Variants in TBCD observed in about 807,000 individuals in gnomAD.
TBCD encodes tubulin-specific chaperone D.
Under a neutral mutation model 169.3 loss-of-function variants are expected in TBCD, and 105 were observed. That is an observed-to-expected ratio of 0.62 (90% CI 0.53 to 0.73). The LOEUF is 0.73. Ranked by LOEUF, TBCD falls within the 30% of genes least tolerant of loss-of-function variation. TBCD has a pLI of 0.00. For synonymous variants in TBCD, 700 were observed against 643.9 expected (o/e 1.09, Z -1.32); for missense variants, 1,444 against 1,600.1 (o/e 0.90, Z 1.66).
chr17:82,906,579 T>G (rs2060263703), intron 20 of TBCD, among the ~76,000 whole-genome samples: 1 of 152,256 alleles, frequency 6.6e-6, no homozygotes, highest in Admixed American at 6.5e-5. Context: ...CTGTAAGGCA[T>G]CGACTGTCGT....
intron 12 of TBCD, among the ~76,000 whole-genome samples, chr17:82,810,884 G>C (rs607544): frequency 0.88 from 133,655 of 152,276 alleles, 59,001 homozygotes; most frequent in African/African-American, 0.97. Context: ...CCTTCTGGAG[G>C]AGATTTCTTG....
chr17:82,807,590 A>G lies in TBCD; in HGVS notation c.1088-18A>G. The G allele has an allele frequency of 1.3e-6, 2 of 1,494,890 alleles. No individual in the cohort carries two copies. Among genetic ancestry groups the G allele is most frequent in the Non-Finnish European group, 1.8e-6 (2 of 1,118,382 alleles). The allele number at this position is 1,494,890 out of a possible 1,614,324, so 92.6% of individuals were successfully genotyped here. A position where few individuals can be genotyped will look rare whatever the true frequency, so the allele number is the denominator to read the frequency against. ...CTTTGTGTGGACTCTGTCACGCATC[A>G]CCTTCCTCTTCCTACAGAGCAGCTG... On this transcript the variant is annotated intron_variant, in intron 10 of 38. Transcript: ENST00000355528.
At chr17:82,898,329 C>T (rs570044643) in intron 17 of TBCD, among the ~76,000 whole-genome samples, 1,745 of 118,494 alleles carry the variant, frequency 0.015, 39 homozygotes, top group African/African-American at 0.057. Context: ...GGTGGGAGCA[C>T]ACGGCACGGC....
chr17:82,767,978 C>T (rs957208558), intron 4 of TBCD, among the ~76,000 whole-genome samples: 9 of 151,560 alleles, frequency 5.9e-5, no homozygotes, highest in Admixed American at 5.2e-4. Flanking sequence ...GAACTCCTGA[C>T]CTCAGGTGAT....
At chr17:82,912,024 T>G (rs2060681690) in intron 23 of TBCD, among the ~76,000 whole-genome samples, 1 of 152,028 alleles carries the variant, frequency 6.6e-6, no homozygotes, top group African/African-American at 2.4e-5. Context: ...CTGGGAGGGG[T>G]TGCACCCAGG....
rs927650819 is a variant in TBCD, at chr17:82,884,631, A to G, written c.1533+429A>G. 6.6e-6 allele frequency among the ~76,000 whole-genome samples: 1 copy of G among 151,188 alleles called. No individual in the cohort carries two copies. Among genetic ancestry groups the G allele is most frequent in the South Asian group, 2.1e-4 (1 of 4,798 alleles). On this transcript the variant is annotated intron_variant, in intron 15 of 38. Coordinates refer to ENST00000355528, the MANE Select transcript of TBCD (RefSeq NM_005993.5). This position sits in a 1 kb window ranked among gnomAD's most constrained non-coding sequence, Gnocchi z 4.2. ...TGCGAGCAGTGGTCAGCTCTGCTTC[A>G]CCCGCCACACTCGCCTGGGCCTTGC...
Position 82,781,716 on chromosome 17 carries a change from G to C in TBCD, c.766G>C (p.Ala256Pro). The C allele has an allele frequency of 6.2e-7, 1 of 1,613,614 alleles. No individual in the cohort carries two copies. The highest frequency in any genetic ancestry group is 1.1e-5 in the South Asian group (1 of 91,090). Residue 256 changes from alanine to proline, a missense_variant, in exon 7 of 39, where the codon GCC becomes CCC. Ala to Pro is a conservative substitution (Grantham distance 27). Coordinates refer to ENST00000355528, the MANE Select transcript of TBCD (RefSeq NM_005993.5). ...GVITMDGTLQ[A>P]LAQIFKHGKR... ...CATCACCATGGATGGGACGCTGCAG[G>C]CCCTGGTAAGTGCTGCCCGCAGGGG...
intron 13 of TBCD, among the ~76,000 whole-genome samples, chr17:82,825,937 G>T (rs1406658833): frequency 6.6e-6 from 1 of 152,214 alleles, no homozygotes; most frequent in African/African-American, 2.4e-5. Context: ...CTGCACTCCG[G>T]CCTGGGCCAG....
chr17:82,778,708 CTGGAGTGCAA>C (rs2048752954), intron 6 of TBCD, among the ~76,000 whole-genome samples: 1 of 139,730 alleles, frequency 7.2e-6, no homozygotes, highest in African/African-American at 2.7e-5. Flanking sequence ...TTTGGCTCTA[CTGGAGTGCAA>C]TGGCGTGATC....
chr17:82,924,679 T>C (rs1042126902), intron 26 of TBCD, among the ~76,000 whole-genome samples: 2 of 152,074 alleles, frequency 1.3e-5, no homozygotes, highest in Non-Finnish European at 2.9e-5. Flanking sequence ...AGGCTGAGTG[T>C]GGGGTTGAGG....
Position 82,833,990 on chromosome 17 carries a change from T to G in TBCD, c.1318+19056T>G, listed in dbSNP as rs542173343. On this transcript the variant is annotated intron_variant, in intron 13 of 38. Transcript: ENST00000355528. This position sits in a 1 kb window ranked among gnomAD's most constrained non-coding sequence, Gnocchi z 4.7. ...ACAGAGTTTCTCCCTTGTTGCCCAGTCTGGAGTGCCATGGCGCAATCTCAG... is the reference window on the plus strand; with the variant it reads ...ACAGAGTTTCTCCCTTGTTGCCCAGGCTGGAGTGCCATGGCGCAATCTCAG... Among the ~76,000 whole-genome samples, 4 of 152,000 alleles carry G rather than the reference T, an allele frequency of 2.6e-5. No individual in the cohort carries two copies. The highest frequency in any genetic ancestry group is 9.6e-5 in the African/African-American group (4 of 41,486).
intron 13 of TBCD, chr17:82,830,826 G>C (rs1466832267): frequency 1.2e-6 from 2 of 1,613,340 alleles, no homozygotes; most frequent in African/African-American, 2.7e-5. Flanking sequence ...CCTCCGAGAC[G>C]AGAGAGGCGC....
Position 82,889,807 on chromosome 17 carries a change from G to A in TBCD, c.1563+110G>A. On this transcript the variant is annotated intron_variant, in intron 16 of 38. Transcript: ENST00000355528. This position sits in a 1 kb window ranked among gnomAD's most constrained non-coding sequence, Gnocchi z 5.3. ...TTCTCGCACTGTGAGATGTGGTGTG[G>A]CTACATCAATGCCAGGGTCATGAGT... 1 of 1,283,450 alleles carries A rather than the reference G, an allele frequency of 7.8e-7. No individual in the cohort carries two copies. Among genetic ancestry groups the A allele is most frequent in the Non-Finnish European group, 1.1e-6 (1 of 913,256 alleles). The allele number at this position is 1,283,450 out of a possible 1,614,324, so 79.5% of individuals were successfully genotyped here.
chr17:82,838,539 A>G (rs902612065), intron 13 of TBCD: 5 of 583,960 alleles, frequency 8.6e-6, no homozygotes, highest in African/African-American at 2.0e-5. Flanking sequence ...TGCTGTAATT[A>G]CAATATTGTG....
At position 82,945,036 on chromosome 17, in the gene TBCD, C is replaced by T. The variant is rs1438121927; in HGVS notation, c.*2573C>T. On this transcript the variant is annotated 3_prime_UTR_variant, in exon 39 of 39. Transcript: ENST00000355528. ...GGCCCTGACCAGTGGTATTCCCAGA[C>T]AAGGGCAGAAGATGCAAATACAAAA... The T allele has an allele frequency of 3.3e-5, 5 of 152,114 alleles. No homozygotes were observed. Among genetic ancestry groups the T allele is most frequent in the African/African-American group, 4.8e-5 (2 of 41,390 alleles). 9.4% of individuals were successfully genotyped at this position (152,114 alleles called of 1,614,324 possible).
intron 13 of TBCD, among the ~76,000 whole-genome samples, chr17:82,825,124 C>T (rs1054687812): frequency 3.9e-5 from 6 of 152,128 alleles, no homozygotes; most frequent in Non-Finnish European, 7.4e-5. Flanking sequence ...TGTGCCACAA[C>T]CATTGTGCTT....
intron 13 of TBCD, among the ~76,000 whole-genome samples, chr17:82,840,864 T>C (rs1402691947): frequency 6.7e-6 from 1 of 149,754 alleles, no homozygotes; most frequent in African/African-American, 2.5e-5. Context: ...TGGGATGAGC[T>C]GGTGTCAGGC....
intron 8 of TBCD, among the ~76,000 whole-genome samples, chr17:82,799,891 G>A (rs1267588529): frequency 6.6e-6 from 1 of 152,222 alleles, no homozygotes; most frequent in Non-Finnish European, 1.5e-5. Flanking sequence ...TTATAGGCAA[G>A]CATTATGAGT....
intron 13 of TBCD, among the ~76,000 whole-genome samples, chr17:82,862,986 G>A (rs1046165168): frequency 1.3e-5 from 2 of 152,224 alleles, no homozygotes; most frequent in Non-Finnish European, 2.9e-5. Flanking sequence ...TGTGGCTGGG[G>A]AGAGGATTAC....
Sources: allele counts gnomAD v4.1 joint callset (sites outside exome capture counted in the v4.1 genomes callset), GRCh38; gene constraint gnomAD v4.1.1; non-coding constraint Gnocchi (gnomAD v3.1); transcripts MANE v1.5; gene names NCBI Gene and HGNC (gene_info 2026-07-23, HGNC 2026-07-21).